Variants in SASH1 observed in about 807,000 individuals in gnomAD.
SASH1 encodes SAM and SH3 domain containing 1, also known as SAM and SH3 domain-containing protein 1.
Under a neutral mutation model 125.2 loss-of-function variants are expected in SASH1, and 44 were observed. That is an observed-to-expected ratio of 0.35 (90% CI 0.28 to 0.45). The LOEUF (loss-of-function observed/expected upper bound fraction) is 0.45, where lower values mean the gene tolerates loss of function less well. SASH1 is among the 20% of genes least tolerant of loss of function. SASH1 has a pLI of 1.00. For synonymous variants in SASH1, 639 were observed against 649.1 expected, an observed-to-expected ratio of 0.98 and a Z score of 0.24; for missense variants, 1,426 against 1,614.5, an observed-to-expected ratio of 0.88 and a Z score of 2.00.
At chr6:148,376,127 C>T (rs1024364809) in intron 1 of SASH1, among the ~76,000 whole-genome samples, 1 of 152,138 alleles carries the variant, frequency 6.6e-6, no homozygotes, top group Non-Finnish European at 1.5e-5. Context: ...TGCAGTGGTA[C>T]AATCTCCAAC....
intron 2 of SASH1, among the ~76,000 whole-genome samples, chr6:148,420,781 G>A (rs1785025439): frequency 6.6e-6 from 1 of 151,858 alleles, no homozygotes; most frequent in Non-Finnish European, 1.5e-5. Context: ...CCAATTTTTT[G>A]TTATGATAGA....
Position 148,343,024 on chromosome 6 carries a change from C to T in SASH1, c.-44C>T, listed in dbSNP as rs907609708. On this transcript the variant is annotated 5_prime_UTR_variant, in exon 1 of 20. Coordinates refer to ENST00000367467, the MANE Select transcript of SASH1 (RefSeq NM_015278.5). Reference sequence around the variant, plus strand: ...GCTGCGCGCGGGTGCGGGGCGAGGGCGCCGCGGGGACTGGGACGCACGGCC... The same window carrying T: ...GCTGCGCGCGGGTGCGGGGCGAGGGTGCCGCGGGGACTGGGACGCACGGCC... The T allele has an allele frequency of 2.6e-6, 3 of 1,166,354 alleles. No homozygotes were observed. The highest frequency in any genetic ancestry group is 3.2e-6 in the Non-Finnish European group (3 of 946,908). 72.3% of individuals were successfully genotyped at this position (1,166,354 alleles called of 1,614,324 possible).
At chr6:148,271,935 G>T (rs1779072320), upstream of SASH1, among the ~76,000 whole-genome samples, 1 of 152,120 alleles carries the variant, frequency 6.6e-6, no homozygotes, top group African/African-American at 2.4e-5. Flanking sequence ...TTTGTAGGGG[G>T]CGGGAGAAAG....
intron 2 of SASH1, among the ~76,000 whole-genome samples, chr6:148,407,114 G>A (rs1437811743): frequency 6.6e-6 from 1 of 152,044 alleles, no homozygotes; most frequent in Non-Finnish European, 1.5e-5. Flanking sequence ...CATCCTAACT[G>A]ATTTTGAGTT....
At chr6:148,416,342 T>G (rs1443034807) in intron 2 of SASH1, among the ~76,000 whole-genome samples, 1 of 152,142 alleles carries the variant, frequency 6.6e-6, no homozygotes, top group Non-Finnish European at 1.5e-5. Flanking sequence ...GTCCTCTGTA[T>G]CCTATTTAAT....
intron 4 of SASH1, among the ~76,000 whole-genome samples, chr6:148,447,707 C>T (rs983874519): frequency 6.7e-6 from 1 of 149,808 alleles, no homozygotes; most frequent in African/African-American, 2.5e-5. Flanking sequence ...TCCTCTTCCT[C>T]CTTCTCCTCC....
chr6:148,227,391 T>C, the SASH1 span, among the ~76,000 whole-genome samples: 1 of 152,184 alleles, frequency 6.6e-6, no homozygotes, highest in African/African-American at 2.4e-5. Flanking sequence ...AGAGTCTCAC[T>C]CTGTTGCCCA....
intron 6 of SASH1, among the ~76,000 whole-genome samples, chr6:148,473,094 T>C (rs887959027): frequency 6.6e-6 from 1 of 152,186 alleles, no homozygotes; most frequent in Admixed American, 6.5e-5. Flanking sequence ...TTCTCTGAGG[T>C]TCTAGCTGCC....
At chr6:148,351,814 G>GTTTTTGTA (rs1260717386) in intron 1 of SASH1, among the ~76,000 whole-genome samples, 1 of 149,066 alleles carries the variant, frequency 6.7e-6, no homozygotes, top group African/African-American at 2.5e-5. Context: ...ATGTTTATGT[G>GTTTTTGTA]TGTGTGTGCT....
intron 8 of SASH1, among the ~76,000 whole-genome samples, chr6:148,500,012 TC>T (rs1779496288): frequency 6.6e-6 from 1 of 152,186 alleles, no homozygotes; most frequent in Admixed American, 6.5e-5. Context: ...TTCTTCCTGT[TC>T]CTTGAGTTGA....
At chr6:148,293,838 G>A (rs906542886) in intron 1 of SASH1, among the ~76,000 whole-genome samples, 6 of 152,160 alleles carry the variant, frequency 3.9e-5, no homozygotes, top group South Asian at 2.1e-4. Flanking sequence ...CAGCCGTCCC[G>A]GGAGGAGGAA....
At chr6:148,381,915 G>A (rs1201951684) in intron 1 of SASH1, among the ~76,000 whole-genome samples, 1 of 152,098 alleles carries the variant, frequency 6.6e-6, no homozygotes, top group Non-Finnish European at 1.5e-5. Flanking sequence ...GGAATTACAG[G>A]TGTGAGCCAC....
upstream of SASH1, among the ~76,000 whole-genome samples, chr6:148,338,399 C>A (rs1657542407): frequency 6.7e-6 from 1 of 149,766 alleles, no homozygotes. Flanking sequence ...TGCACTACAT[C>A]CTGGGCAACA....
At chr6:148,203,293 G>A in the SASH1 span, among the ~76,000 whole-genome samples, 2 of 152,142 alleles carry the variant, frequency 1.3e-5, no homozygotes, top group African/African-American at 4.8e-5. Context: ...TGAGAATTCT[G>A]GGGTGGAGGG....
Position 148,534,767 on chromosome 6 carries a change from T to C in SASH1, c.1961T>C (p.Phe654Ser). Residue 654 changes from phenylalanine to serine, a missense_variant, in exon 16 of 20, where the codon TTC becomes TCC. This residue lies in a region of SASH1 where 225 missense variants were observed against 344.5 expected (regional missense o/e 0.65). Coordinates refer to ENST00000367467, the MANE Select transcript of SASH1 (RefSeq NM_015278.5). ...RINLKEHMPTFLFNGYEDLDT... is the reference protein window; with the variant it reads ...RINLKEHMPTSLFNGYEDLDT... ...CTCTCACAGGAGCACATGCCCACTTTCCTGTTCAATGGATATGAAGATTTG... is the reference window on the plus strand; with the variant it reads ...CTCTCACAGGAGCACATGCCCACTTCCCTGTTCAATGGATATGAAGATTTG... The C allele has an allele frequency of 6.2e-7, 1 of 1,614,230 alleles. No individual in the cohort carries two copies. The highest frequency in any genetic ancestry group is 8.5e-7 in the Non-Finnish European group (1 of 1,180,042).
intron 1 of SASH1, among the ~76,000 whole-genome samples, chr6:148,334,601 C>A (rs1781095941): frequency 6.6e-6 from 1 of 151,906 alleles, no homozygotes; most frequent in East Asian, 1.9e-4. Context: ...CACCTGAGGT[C>A]AGGACTTCGA....
intron 2 of SASH1, among the ~76,000 whole-genome samples, chr6:148,419,986 G>C (rs1784987770): frequency 6.6e-6 from 1 of 152,136 alleles, no homozygotes; most frequent in East Asian, 1.9e-4. Context: ...ATTTCTGTGA[G>C]AAAAATTCTG....
Position 148,543,894 on chromosome 6 carries a change from T to C in SASH1, c.2424T>C (p.Asn808=), listed in dbSNP as rs567550285. 1 of 1,614,094 alleles carries C rather than the reference T, an allele frequency of 6.2e-7. No homozygotes were observed. Among genetic ancestry groups the C allele is most frequent in the East Asian group, 2.2e-5 (1 of 44,878 alleles). Residue 808 remains asparagine, a synonymous_variant, in exon 18 of 20, where the codon AAT becomes AAC. Transcript: ENST00000367467. ...ACCCACCTGGTGTGACTGGTTTGAATAAAAACCGAAGAAGCCTCCCAGTTT... is the reference window on the plus strand; with the variant it reads ...ACCCACCTGGTGTGACTGGTTTGAACAAAAACCGAAGAAGCCTCCCAGTTT... The part of the protein sequence containing the change: ...SCDPPGVTGL[N]KNRRSLPVSI...
upstream of SASH1, among the ~76,000 whole-genome samples, chr6:148,269,553 G>A (rs562790521): frequency 2.0e-5 from 3 of 152,220 alleles, no homozygotes; most frequent in South Asian, 2.1e-4. Context: ...CCCCCAACTA[G>A]TTTGTTTAGG....
Sources: allele counts gnomAD v4.1 joint callset (sites outside exome capture counted in the v4.1 genomes callset), GRCh38; gene constraint gnomAD v4.1.1; regional missense constraint gnomAD v4.1.1; transcripts MANE v1.5; gene names NCBI Gene and HGNC (gene_info 2026-07-23, HGNC 2026-07-21).